Variants in HECW2 observed in about 807,000 individuals in gnomAD.
HECW2 encodes HECT, C2 and WW domain containing E3 ubiquitin protein ligase 2.
In HECW2, 61 loss-of-function variants were observed where a neutral mutation model predicts 175.2. The ratio of observed to expected loss-of-function variants is 0.35; its 90% CI spans 0.28 to 0.43. The LOEUF (loss-of-function observed/expected upper bound fraction) is 0.43. HECW2 is among the 20% of genes least tolerant of loss of function. HECW2 has a pLI of 1.00. For missense variants in HECW2, 1,524 were observed against 2,000.5 expected (o/e 0.76, Z 4.54); for synonymous variants, 671 against 731.0 (o/e 0.92, Z 1.32).
chr2:196,476,466 G>A (rs1686624458), intron 1 of HECW2, among the ~76,000 whole-genome samples: 1 of 149,856 alleles, frequency 6.7e-6, no homozygotes, highest in Non-Finnish European at 1.5e-5. Flanking sequence ...AAAGGCAGGC[G>A]ACAATGGCAC....
chr2:196,424,385 C>T (rs1695487347), intron 2 of HECW2, among the ~76,000 whole-genome samples: 1 of 152,088 alleles, frequency 6.6e-6, no homozygotes, highest in South Asian at 2.1e-4. Flanking sequence ...ACACATCTCT[C>T]ACTTTAAATC....
intron 28 of HECW2, among the ~76,000 whole-genome samples, chr2:196,210,251 ATGT>A (rs1351431356): frequency 2.7e-5 from 4 of 150,306 alleles, no homozygotes; most frequent in African/African-American, 9.8e-5. Flanking sequence ...GATAAACGGA[ATGT>A]TGTTTTAAAA....
chr2:196,346,916 G>A (rs193131258), intron 2 of HECW2, among the ~76,000 whole-genome samples: 267 of 148,166 alleles, frequency 1.8e-3, no homozygotes, highest in African/African-American at 6.3e-3. Context: ...GCTGAGGCAG[G>A]TGAATTGCTT....
chr2:196,361,508 A>G (rs972441254), intron 2 of HECW2, among the ~76,000 whole-genome samples: 14 of 152,192 alleles, frequency 9.2e-5, no homozygotes, highest in Non-Finnish European at 1.9e-4. Flanking sequence ...TCTTGTAGGT[A>G]GAACCTGTAC....
chr2:196,272,335 A>G (rs1275328259), intron 16 of HECW2, among the ~76,000 whole-genome samples: 1 of 152,228 alleles, frequency 6.6e-6, no homozygotes, highest in Non-Finnish European at 1.5e-5. Flanking sequence ...AGAAACTTAA[A>G]AATAGTTAAT....
At chr2:196,496,790 A>G (rs372329241) in intron 1 of HECW2, among the ~76,000 whole-genome samples, 2 of 152,248 alleles carry the variant, frequency 1.3e-5, no homozygotes, top group South Asian at 4.1e-4. Flanking sequence ...GTTCACTGCA[A>G]AAGAGTGACA....
At chr2:196,368,352 A>G (rs1320161643) in intron 2 of HECW2, among the ~76,000 whole-genome samples, 1 of 152,186 alleles carries the variant, frequency 6.6e-6, no homozygotes, top group Non-Finnish European at 1.5e-5. Context: ...GCTGCTAGAT[A>G]TATTGGAAGT....
At chr2:196,384,929 T>C (rs1169251934) in intron 2 of HECW2, among the ~76,000 whole-genome samples, 1 of 152,198 alleles carries the variant, frequency 6.6e-6, no homozygotes, top group Non-Finnish European at 1.5e-5. Flanking sequence ...CTTTCACTTT[T>C]TTTTTTAGTC....
chr2:196,532,278 C>T (rs1688863647), intron 1 of HECW2, among the ~76,000 whole-genome samples: 1 of 152,206 alleles, frequency 6.6e-6, no homozygotes, highest in South Asian at 2.1e-4. Context: ...CACATATACA[C>T]CACGGAATAC....
intron 1 of HECW2, among the ~76,000 whole-genome samples, chr2:196,512,269 T>C (rs1176975136): frequency 6.6e-6 from 1 of 152,160 alleles, no homozygotes; most frequent in Non-Finnish European, 1.5e-5. Context: ...AACATTTCAG[T>C]TTTTAAAGAC....
intron 1 of HECW2, among the ~76,000 whole-genome samples, chr2:196,470,178 CAA>C (rs1351446800): frequency 6.6e-6 from 1 of 152,066 alleles, no homozygotes; most frequent in East Asian, 1.9e-4. Context: ...ATAATGACAA[CAA>C]AACCTTACTA....
At chr2:196,400,419 T>C (rs1694786681) in intron 2 of HECW2, among the ~76,000 whole-genome samples, 2 of 152,170 alleles carry the variant, frequency 1.3e-5, no homozygotes, top group Non-Finnish European at 2.9e-5. Flanking sequence ...TGCTCTTGAG[T>C]GAAAAGATAA....
intron 21 of HECW2, among the ~76,000 whole-genome samples, chr2:196,237,876 C>T (rs546714625): frequency 6.6e-6 from 1 of 152,148 alleles, no homozygotes; most frequent in Non-Finnish European, 1.5e-5. Flanking sequence ...AAAGATGCTT[C>T]GGGCTGCATC....
In HECW2 at chr2:196,369,998, G is replaced by A. The variant is rs376348329; in HGVS notation, c.293-26234C>T. Among the ~76,000 whole-genome samples the A allele has an allele frequency of 5.9e-5, 9 of 151,998 alleles. No homozygotes were observed. In the South Asian group the frequency reaches 6.2e-4, roughly 11 times the overall value. ...AGACCTAGAATTGAGGACACCAGTG[G>A]GGAGTGTCCTCACCCATTGTGGACA... is the stretch of plus-strand genomic sequence containing the variant. On this transcript the variant is annotated intron_variant, in intron 2 of 28. Coordinates refer to ENST00000644978, the MANE Select transcript of HECW2 (RefSeq NM_001348768.2).
chr2:196,526,607 T>C (rs1395819493), intron 1 of HECW2, among the ~76,000 whole-genome samples: 47 of 142,784 alleles, frequency 3.3e-4, no homozygotes, highest in African/African-American at 1.1e-3. Context: ...ATCTTTGTGG[T>C]TTTATCTACT....
chr2:196,408,413 G>A lies in HECW2; in HGVS notation c.292+24719C>T, dbSNP rs942288066. The stretch of plus-strand genomic sequence containing the variant: ...AGGGGTGATGATCATCTGTAGGGTC[G>A]TTCCCAGCTCTAAAATCTGTTACTC... On this transcript the variant is annotated intron_variant, in intron 2 of 28. Coordinates refer to ENST00000644978, the MANE Select transcript of HECW2 (RefSeq NM_001348768.2). Among the ~76,000 whole-genome samples, 4 of 152,264 alleles carry A rather than the reference G, an allele frequency of 2.6e-5. No individual in the cohort carries two copies. In the East Asian group the frequency reaches 7.7e-4, roughly 29 times the overall value.
intron 1 of HECW2, among the ~76,000 whole-genome samples, chr2:196,567,620 A>G (rs1368244150): frequency 1.3e-5 from 2 of 152,244 alleles, no homozygotes; most frequent in African/African-American, 4.8e-5. Flanking sequence ...GATGATGGAA[A>G]GCGCAGGAAT....
chr2:196,289,222 T>A (rs916819123), intron 14 of HECW2: 2 of 152,216 alleles, frequency 1.3e-5, no homozygotes, highest in Non-Finnish European at 2.9e-5. Flanking sequence ...ACATTTCTGT[T>A]AAGAACCATT....
chr2:196,325,655 T>C (rs1285545033), intron 5 of HECW2, among the ~76,000 whole-genome samples: 2 of 152,166 alleles, frequency 1.3e-5, no homozygotes, highest in African/African-American at 4.8e-5. Flanking sequence ...TACATATACA[T>C]AGAACTAAGT....
Sources: allele counts gnomAD v4.1 joint callset (sites outside exome capture counted in the v4.1 genomes callset), GRCh38; gene constraint gnomAD v4.1.1; transcripts MANE v1.5; gene names NCBI Gene and HGNC (gene_info 2026-07-23, HGNC 2026-07-21).